Variants in NRG1 observed in about 807,000 individuals in gnomAD.
The protein encoded by NRG1 is pro-neuregulin-1, membrane-bound isoform.
In NRG1, 18 loss-of-function variants were observed where a neutral mutation model predicts 63.8. The observed-to-expected ratio is 0.28, with a 90% CI of 0.19 to 0.42. The LOEUF (loss-of-function observed/expected upper bound fraction) is 0.42, where lower values mean the gene tolerates loss of function less well. NRG1 is among the 10% of genes least tolerant of loss of function. NRG1 has a pLI of 1.00. For missense variants in NRG1, 762 were observed against 814.7 expected (o/e 0.94, Z 0.79); for synonymous variants, 302 against 301.3 (o/e 1.00, Z -0.02).
At chr8:31,806,528 A>G (rs181243303) in intron 1 of NRG1, among the ~76,000 whole-genome samples, 3 of 152,314 alleles carry the variant, frequency 2.0e-5, no homozygotes, top group African/African-American at 7.2e-5. Flanking sequence ...TTCAGAAAAT[A>G]TAGATTACCT....
At chr8:31,936,163 A>C (rs190983869) in intron 1 of NRG1, among the ~76,000 whole-genome samples, 3 of 152,342 alleles carry the variant, frequency 2.0e-5, no homozygotes, top group Admixed American at 2.0e-4. Context: ...CTCTATAGGG[A>C]AAAGACAATG....
intron 1 of NRG1, among the ~76,000 whole-genome samples, chr8:32,120,025 C>A (rs1585428645): frequency 6.6e-6 from 1 of 152,010 alleles, no homozygotes; most frequent in African/African-American, 2.4e-5. Context: ...TTAAATCTCT[C>A]CAAGTCTCAG....
intron 1 of NRG1, among the ~76,000 whole-genome samples, chr8:31,869,324 A>T (rs531227391): frequency 2.4e-4 from 37 of 152,216 alleles, no homozygotes; most frequent in South Asian, 1.2e-3. Flanking sequence ...CATAGATCTT[A>T]ACTTGTACTC....
intron 1 of NRG1, among the ~76,000 whole-genome samples, chr8:32,099,040 A>G (rs571170648): frequency 1.3e-5 from 2 of 152,360 alleles, no homozygotes; most frequent in African/African-American, 4.8e-5. Flanking sequence ...AGTTGTGAGG[A>G]AAGAAAGCCA....
At chr8:32,405,373 A>T (rs1201547531) in intron 1 of NRG1, among the ~76,000 whole-genome samples, 1 of 152,340 alleles carries the variant, frequency 6.6e-6, no homozygotes, top group Admixed American at 6.5e-5. Context: ...CCTGTTTAAT[A>T]TTAAATAAGC....
chr8:32,764,476 A>G (rs1416005232), exon 12 of NRG1: 1 of 1,259,200 alleles, frequency 7.9e-7, no homozygotes, highest in East Asian at 2.7e-5. Flanking sequence ...TAAATTAAAC[A>G]ATTTATTTTA....
chr8:31,778,980 T>C (rs2131604503), intron 1 of NRG1, among the ~76,000 whole-genome samples: 1 of 152,282 alleles, frequency 6.6e-6, no homozygotes, highest in Non-Finnish European at 1.5e-5. Flanking sequence ...TCCACTTATT[T>C]CCTTAACTTC....
At chr8:32,544,472 ATTATTTATTTAT>A (rs10574242), upstream of NRG1, among the ~76,000 whole-genome samples, 6,507 of 139,832 alleles carry the variant, frequency 0.047, 273 homozygotes, top group African/African-American at 0.11. Context: ...TGCCTAGCTT[ATTATTTATTTAT>A]TTATTTATTT....
intron 11 of NRG1, chr8:32,760,781 T>C (rs1024014953): frequency 3.0e-6 from 3 of 1,012,670 alleles, no homozygotes; most frequent in African/African-American, 3.4e-5. Flanking sequence ...ATAATTCCAA[T>C]TGCCAGTTAT....
intron 5 of NRG1, among the ~76,000 whole-genome samples, chr8:32,643,740 T>C (rs1321490919): frequency 1.3e-5 from 2 of 152,186 alleles, no homozygotes; most frequent in Non-Finnish European, 2.9e-5. Flanking sequence ...AAATGATAAA[T>C]AGACAGTATT....
At chr8:31,928,111 A>C (rs1468484581) in intron 1 of NRG1, among the ~76,000 whole-genome samples, 1 of 151,412 alleles carries the variant, frequency 6.6e-6, no homozygotes, top group East Asian at 1.9e-4. Context: ...TGCTCTTTGT[A>C]GAGTTAGCAG....
chr8:32,130,430 T>A (rs1834655928), intron 1 of NRG1, among the ~76,000 whole-genome samples: 1 of 151,924 alleles, frequency 6.6e-6, no homozygotes, highest in South Asian at 2.1e-4. Flanking sequence ...TTAATAACTT[T>A]GAAAATGGTG....
chr8:32,195,326 T>A (rs1842854923), intron 1 of NRG1, among the ~76,000 whole-genome samples: 1 of 151,862 alleles, frequency 6.6e-6, no homozygotes, highest in Admixed American at 6.6e-5. Flanking sequence ...ATTGTCCCAG[T>A]TGCTCAGGAG....
intron 1 of NRG1, among the ~76,000 whole-genome samples, chr8:32,062,014 TAA>T (rs1161999710): frequency 6.6e-6 from 1 of 152,074 alleles, no homozygotes; most frequent in Non-Finnish European, 1.5e-5. Context: ...AGCAAAATTC[TAA>T]AAGTCTCTTA....
intron 7 of NRG1, among the ~76,000 whole-genome samples, chr8:32,745,019 T>C (rs777661428): frequency 2.8e-4 from 43 of 152,222 alleles, no homozygotes; most frequent in Non-Finnish European, 5.3e-4. Context: ...ATATATGTAA[T>C]GGCTGTGCAA....
Position 32,173,461 on chromosome 8 carries a change from T to A in NRG1, c.38-422367T>A, listed in dbSNP as rs551602273. Among the ~76,000 whole-genome samples, 6 of 152,260 alleles carry A rather than the reference T, an allele frequency of 3.9e-5. No homozygotes were observed. The South Asian group carries it at 1.2e-3, about 32-fold the overall frequency. On this transcript the variant is annotated intron_variant, in intron 1 of 10. Coordinates refer to the NRG1 transcript ENST00000519301. ...CGAGCAAAATAACCAGCTAACATCA[T>A]AATGACAGGATCAAATTCACACATA...
At chr8:32,517,299 G>A (rs1460514358) in intron 1 of NRG1, among the ~76,000 whole-genome samples, 2 of 151,908 alleles carry the variant, frequency 1.3e-5, no homozygotes, top group Non-Finnish European at 2.9e-5. Flanking sequence ...TTCTTTTTTA[G>A]GTGTCCATTT....
chr8:31,834,302 C>CGT (rs67331345), intron 1 of NRG1, among the ~76,000 whole-genome samples: 49,925 of 110,738 alleles, frequency 0.45, 9,914 homozygotes, highest in East Asian at 0.8. Context: ...TGTGCGCGCA[C>CGT]GCGCGCACAC....
At chr8:32,322,026 G>T (rs1438730443) in intron 1 of NRG1, among the ~76,000 whole-genome samples, 2 of 151,772 alleles carry the variant, frequency 1.3e-5, no homozygotes, top group South Asian at 2.1e-4. Context: ...TTTTTTAAAT[G>T]ACATTGTCAG....
Sources: allele counts gnomAD v4.1 joint callset (sites outside exome capture counted in the v4.1 genomes callset), GRCh38; gene constraint gnomAD v4.1.1; transcripts MANE v1.5; gene names NCBI Gene and HGNC (gene_info 2026-07-23, HGNC 2026-07-21).